CNOT2: variants seen among roughly 807,000 people sequenced by gnomAD.
CNOT2 encodes CCR4-NOT transcription complex subunit 2.
In CNOT2, 7 loss-of-function variants were observed where a neutral mutation model predicts 72.1. The ratio of observed to expected loss-of-function variants is 0.10; its 90% CI spans 0.06 to 0.18. CNOT2 has a LOEUF of 0.18. CNOT2 is among the 10% of genes least tolerant of loss of function. The probability of loss-of-function intolerance (pLI) is 1.00; values close to 1 mark genes in which losing one functional copy is unlikely to be tolerated. For synonymous variants in CNOT2, 196 were observed against 225.6 expected, an observed-to-expected ratio of 0.87 and a Z score of 1.17; for missense variants, 345 against 660.3, an observed-to-expected ratio of 0.52 and a Z score of 5.23.
intron 8 of CNOT2, chr12:70,335,946 A>G (rs1880623794): frequency 6.3e-6 from 1 of 159,564 alleles, no homozygotes; most frequent in Non-Finnish European, 1.4e-5. Context: ...ATGACTGACT[A>G]TACATTGAAG....
At chr12:70,279,457 G>T (rs1347537956) in intron 2 of CNOT2, among the ~76,000 whole-genome samples, 3 of 152,154 alleles carry the variant, frequency 2.0e-5, no homozygotes, top group Non-Finnish European at 4.4e-5. Context: ...AAAACTGAGG[G>T]TATGCTGAAT....
chr12:70,329,668 G>A (rs960711795), intron 5 of CNOT2, 98 bp downstream of exon 5: 1 of 842,568 alleles, frequency 1.2e-6, no homozygotes, highest in East Asian at 2.6e-5. Context: ...TTGATTTTCT[G>A]GTTCAGTGCC....
intron 2 of CNOT2, among the ~76,000 whole-genome samples, chr12:70,303,746 G>T (rs1050785952): frequency 6.6e-6 from 1 of 152,080 alleles, no homozygotes; most frequent in African/African-American, 2.4e-5. Flanking sequence ...TCTATTTCCT[G>T]AATGTGAATG....
intron 2 of CNOT2, among the ~76,000 whole-genome samples, chr12:70,286,239 G>T (rs17226157): frequency 0.084 from 12,429 of 148,640 alleles, 1,051 homozygotes; most frequent in Admixed American, 0.16. Flanking sequence ...GAATGTATTT[G>T]GGAGTGTTTA....
chr12:70,269,315 T>C (rs1256673457), intron 1 of CNOT2, among the ~76,000 whole-genome samples: 1 of 151,616 alleles, frequency 6.6e-6, no homozygotes, highest in Admixed American at 6.6e-5. Context: ...AGGTCTTTAC[T>C]ATTCGAAGTT....
intron 6 of CNOT2, among the ~76,000 whole-genome samples, chr12:70,331,982 T>C (rs1295306295): frequency 2.0e-5 from 3 of 151,574 alleles, no homozygotes; most frequent in Non-Finnish European, 4.4e-5. Context: ...TTTTTTTTTT[T>C]CTTCACATGC....
chr12:70,353,913 T>TGA lies in CNOT2; in HGVS notation c.1621_1622insGA (p.Ter541=). The change falls in exon 16 of 16, where the codon TAA becomes TGAAA. Residue 541 remains the stop codon, a frameshift_variant and stop_retained_variant. Coordinates refer to ENST00000229195, the MANE Select transcript of CNOT2 (RefSeq NM_014515.7). LOFTEE classifies it high-confidence loss of function. ...FNYNPAQQAF[*] ...CTACAACCCTGCTCAGCAAGCCTTC[T>TGA]AAAAAAAAAAAAAAAAAAAAAAAAA... 1 of 1,274,546 alleles carries TGA rather than the reference T, an allele frequency of 7.8e-7. No individual in the cohort carries two copies. Among genetic ancestry groups the TGA allele is most frequent in the Non-Finnish European group, 9.9e-7 (1 of 1,009,124 alleles). 79.0% of individuals were successfully genotyped at this position (1,274,546 alleles called of 1,614,324 possible). A position where few individuals can be genotyped will look rare whatever the true frequency, so the allele number is the denominator to read the frequency against.
intron 2 of CNOT2, among the ~76,000 whole-genome samples, chr12:70,303,006 A>G (rs1212265310): frequency 1.6e-5 from 2 of 127,748 alleles, no homozygotes; most frequent in African/African-American, 2.9e-5. Flanking sequence ...TTGTTGGTTT[A>G]AAGTCTGTTT....
At chr12:70,276,159 G>A (rs1207863541) in intron 1 of CNOT2, among the ~76,000 whole-genome samples, 1 of 151,798 alleles carries the variant, frequency 6.6e-6, no homozygotes, top group African/African-American at 2.4e-5. Flanking sequence ...ACTTGTATCT[G>A]GTAAATTCTT....
intron 3 of CNOT2, among the ~76,000 whole-genome samples, chr12:70,318,526 G>A (rs924596425): frequency 2.6e-5 from 4 of 151,928 alleles, no homozygotes; most frequent in East Asian, 1.9e-4. Flanking sequence ...CTTGAGGGAA[G>A]ACCCCTTCAT....
chr12:70,328,907 A>C (rs1321077935), intron 4 of CNOT2, among the ~76,000 whole-genome samples: 1 of 151,870 alleles, frequency 6.6e-6, no homozygotes, highest in Non-Finnish European at 1.5e-5. Context: ...TAAAAACAGT[A>C]ATGTTGAGAA....
At chr12:70,302,592 A>C (rs1453574110) in intron 2 of CNOT2, among the ~76,000 whole-genome samples, 12 of 151,996 alleles carry the variant, frequency 7.9e-5, no homozygotes, top group Non-Finnish European at 1.3e-4. Context: ...AGTTTGTTAT[A>C]ATTTCTGATC....
At chr12:70,319,859 TAG>T (rs1877993322) in intron 4 of CNOT2, among the ~76,000 whole-genome samples, 1 of 151,724 alleles carries the variant, frequency 6.6e-6, no homozygotes, top group Non-Finnish European at 1.5e-5. Context: ...ATATAGAATC[TAG>T]ATTTTTGACT....
intron 11 of CNOT2, among the ~76,000 whole-genome samples, chr12:70,339,091 TACACAC>T (rs1555205817): frequency 5.1e-5 from 7 of 138,374 alleles, no homozygotes; most frequent in Admixed American, 2.1e-4. Context: ...TATATATATA[TACACAC>T]ACACACACAC....
At chr12:70,317,545 G>A (rs1233862031) in intron 3 of CNOT2, among the ~76,000 whole-genome samples, 1 of 150,960 alleles carries the variant, frequency 6.6e-6, no homozygotes, top group Non-Finnish European at 1.5e-5. Flanking sequence ...TATAGATAAA[G>A]GATGTTAGTT....
At chr12:70,349,043 A>G (rs995413949) in intron 15 of CNOT2, among the ~76,000 whole-genome samples, 2 of 152,114 alleles carry the variant, frequency 1.3e-5, no homozygotes, top group Non-Finnish European at 2.9e-5. Context: ...CTTTAAAATT[A>G]TTTTCATAGT....
intron 1 of CNOT2, among the ~76,000 whole-genome samples, chr12:70,246,571 C>T (rs1175120566): frequency 1.3e-5 from 2 of 152,096 alleles, no homozygotes; most frequent in Non-Finnish European, 2.9e-5. Flanking sequence ...ACTGTTCTTC[C>T]TTACTAAGAG....
At chr12:70,329,097 A>G (rs1299254028) in intron 4 of CNOT2, among the ~76,000 whole-genome samples, 3 of 151,970 alleles carry the variant, frequency 2.0e-5, no homozygotes, top group Non-Finnish European at 2.9e-5. Context: ...ACACATGTAC[A>G]TATATGCAAA....
chr12:70,259,175 C>CT (rs1202460752), intron 1 of CNOT2, among the ~76,000 whole-genome samples: 1 of 152,156 alleles, frequency 6.6e-6, no homozygotes, highest in African/African-American at 2.4e-5. Flanking sequence ...AGAGTCAGGT[C>CT]TTTGACTTCA....
Sources: allele counts gnomAD v4.1 joint callset (sites outside exome capture counted in the v4.1 genomes callset), GRCh38; gene constraint gnomAD v4.1.1; transcripts MANE v1.5; gene names NCBI Gene and HGNC (gene_info 2026-07-23, HGNC 2026-07-21).